GRIK4: variants seen among roughly 807,000 people sequenced by gnomAD.
GRIK4 encodes glutamate ionotropic receptor kainate type subunit 4, also known as glutamate receptor ionotropic, kainate 4.
In GRIK4, 40 loss-of-function variants were observed where a neutral mutation model predicts 104.9. The observed-to-expected ratio is 0.38, with a 90% confidence interval of 0.30 to 0.50. GRIK4 has a LOEUF of 0.50. Among genes scored for constraint, GRIK4 ranks in the 20% least tolerant of loss-of-function variants. GRIK4 has a pLI of 0.93. For synonymous variants in GRIK4, 485 were observed against 524.9 expected, an observed-to-expected ratio of 0.92 and a Z score of 1.04; for missense variants, 1,047 against 1,308.1, an observed-to-expected ratio of 0.80 and a Z score of 3.08.
intron 3 of GRIK4, among the ~76,000 whole-genome samples, chr11:120,705,242 T>TTTC (rs1565305557): frequency 2.1e-4 from 32 of 151,238 alleles, no homozygotes; most frequent in African/African-American, 7.0e-4. Flanking sequence ...CTTTTTTTTT[T>TTTC]TTTTTTGAGA....
intron 1 of GRIK4, among the ~76,000 whole-genome samples, chr11:120,544,582 C>T (rs1028231400): frequency 2.6e-5 from 4 of 152,152 alleles, no homozygotes; most frequent in African/African-American, 7.2e-5. Context: ...CCACCTGCCT[C>T]GGCCTCCCAA....
At chr11:120,601,864 C>A (rs1948892083) in intron 1 of GRIK4, among the ~76,000 whole-genome samples, 1 of 151,994 alleles carries the variant, frequency 6.6e-6, no homozygotes, top group South Asian at 2.1e-4. Flanking sequence ...AAGAGAGCAG[C>A]ATGAAGGATA....
At chr11:120,741,283 T>C (rs962362867) in intron 3 of GRIK4, among the ~76,000 whole-genome samples, 2 of 140,060 alleles carry the variant, frequency 1.4e-5, no homozygotes, top group African/African-American at 2.7e-5. Context: ...TTCTTTTTTT[T>C]TTTTTTTTTT....
At chr11:120,748,219 A>G (rs1381785598) in intron 3 of GRIK4, among the ~76,000 whole-genome samples, 2 of 151,880 alleles carry the variant, frequency 1.3e-5, no homozygotes, top group African/African-American at 2.4e-5. Context: ...CTCCTCCTCT[A>G]GCACTTGGCT....
At chr11:120,935,340 CAG>C (rs1358286326) in intron 13 of GRIK4, among the ~76,000 whole-genome samples, 1 of 152,096 alleles carries the variant, frequency 6.6e-6, no homozygotes, top group African/African-American at 2.4e-5. Flanking sequence ...CACCTGAGGT[CAG>C]GAGTTCGAGA....
chr11:120,649,764 A>T (rs1949593742), intron 1 of GRIK4, among the ~76,000 whole-genome samples: 3 of 152,208 alleles, frequency 2.0e-5, no homozygotes, highest in Non-Finnish European at 4.4e-5. Flanking sequence ...ACCCAGAGAG[A>T]TGCCTAGCAG....
intron 3 of GRIK4, among the ~76,000 whole-genome samples, chr11:120,787,243 C>T (rs964896783): frequency 2.0e-5 from 3 of 151,790 alleles, no homozygotes; most frequent in East Asian, 1.9e-4. Context: ...ACAGGAAGAT[C>T]GCTTGAGCCC....
chr11:120,803,433 G>A (rs765183306), intron 4 of GRIK4, among the ~76,000 whole-genome samples: 1 of 152,026 alleles, frequency 6.6e-6, no homozygotes, highest in Non-Finnish European at 1.5e-5. Context: ...GTTGTGAGGT[G>A]TTTTTTTGTT....
At chr11:120,832,078 C>T (rs781694098) in intron 7 of GRIK4, 48 bp downstream of exon 7, 4 of 1,352,246 alleles carry the variant, frequency 3.0e-6, no homozygotes, top group Admixed American at 1.8e-5. Flanking sequence ...TCCACCCTCC[C>T]CCCTCCTTGC....
At chr11:120,943,692 G>A (rs1016569416) in intron 14 of GRIK4, among the ~76,000 whole-genome samples, 5 of 152,154 alleles carry the variant, frequency 3.3e-5, no homozygotes, top group African/African-American at 9.7e-5. Context: ...TATAAGGATC[G>A]AGAATGTCTA....
intron 1 of GRIK4, among the ~76,000 whole-genome samples, chr11:120,611,811 T>C (rs964982777): frequency 4.6e-5 from 7 of 152,204 alleles, no homozygotes; most frequent in East Asian, 1.9e-4. Flanking sequence ...GAAATGTTCA[T>C]TGGACGGATG....
chr11:120,780,393 T>C (rs2846101), intron 3 of GRIK4, among the ~76,000 whole-genome samples: 8,078 of 152,302 alleles, frequency 0.053, 578 homozygotes, highest in African/African-American at 0.16. Context: ...AGTCTTTGTC[T>C]TTTTGTGTCT....
At chr11:120,857,177 A>G (rs1397950026) in intron 8 of GRIK4, among the ~76,000 whole-genome samples, 3 of 152,160 alleles carry the variant, frequency 2.0e-5, no homozygotes, top group Non-Finnish European at 4.4e-5. Context: ...GTCTGGGGCC[A>G]TGCCCAACTC....
chr11:120,597,440 T>C (rs1246653671), intron 1 of GRIK4, among the ~76,000 whole-genome samples: 1 of 152,216 alleles, frequency 6.6e-6, no homozygotes, highest in Non-Finnish European at 1.5e-5. Flanking sequence ...CTTGGCTGAC[T>C]ACCCAACAGG....
At chr11:120,865,863 G>A (rs1375682873) in intron 9 of GRIK4, among the ~76,000 whole-genome samples, 1 of 152,122 alleles carries the variant, frequency 6.6e-6, no homozygotes, top group Admixed American at 6.6e-5. Context: ...TGTACAAGAA[G>A]CATGGTGCCG....
intron 1 of GRIK4, among the ~76,000 whole-genome samples, chr11:120,612,733 C>T (rs1206807596): frequency 6.6e-6 from 1 of 152,172 alleles, no homozygotes; most frequent in Non-Finnish European, 1.5e-5. Context: ...CAGTGTAGCC[C>T]TCATTATCGG....
chr11:120,512,176 C>G (rs968742591), intron 1 of GRIK4, among the ~76,000 whole-genome samples: 1 of 151,834 alleles, frequency 6.6e-6, no homozygotes, highest in Non-Finnish European at 1.5e-5. Context: ...GTCTTCACCC[C>G]GGTCCGTCTC....
chr11:120,933,986 C>T (rs553741596), intron 13 of GRIK4, among the ~76,000 whole-genome samples: 3 of 152,122 alleles, frequency 2.0e-5, no homozygotes, highest in East Asian at 3.9e-4. Context: ...GGGTGGATCA[C>T]GAGGTCAGGA....
intron 3 of GRIK4, among the ~76,000 whole-genome samples, chr11:120,781,598 C>A (rs1047770678): frequency 1.3e-5 from 2 of 152,094 alleles, no homozygotes; most frequent in Non-Finnish European, 2.9e-5. Flanking sequence ...GCAGTCCTCC[C>A]ACCTTGGCCT....
Sources: allele counts gnomAD v4.1 joint callset (sites outside exome capture counted in the v4.1 genomes callset), GRCh38; gene constraint gnomAD v4.1.1; transcripts MANE v1.5; gene names NCBI Gene and HGNC (gene_info 2026-07-23, HGNC 2026-07-21).